The following ASAP2 variants were observed in gnomAD, a reference collection of about 807,000 sequenced individuals.
ASAP2 encodes the protein ArfGAP with SH3 domain, ankyrin repeat and PH domain 2, also known as arf-GAP with SH3 domain, ANK repeat and PH domain-containing protein 2.
In ASAP2, 45 loss-of-function variants were observed where a neutral mutation model predicts 131.4. The ratio of observed to expected loss-of-function variants is 0.34; its 90% CI spans 0.27 to 0.44. ASAP2 has a LOEUF of 0.44. Among genes scored for constraint, ASAP2 ranks in the 20% least tolerant of loss-of-function variants. ASAP2 has a pLI of 1.00. For synonymous variants in ASAP2, 510 were observed against 503.0 expected (o/e 1.01, Z -0.19); for missense variants, 1,011 against 1,297.0 (o/e 0.78, Z 3.39).
At chr2:9,273,046 A>G (rs1233528703) in intron 1 of ASAP2, among the ~76,000 whole-genome samples, 1 of 152,130 alleles carries the variant, frequency 6.6e-6, no homozygotes, top group African/African-American at 2.4e-5. Context: ...TTGTGGTTCT[A>G]TATAAATCTT....
intron 12 of ASAP2, among the ~76,000 whole-genome samples, chr2:9,352,693 A>C (rs968187294): frequency 2.0e-5 from 3 of 152,222 alleles, no homozygotes; most frequent in African/African-American, 7.2e-5. Flanking sequence ...GTGGGAATGC[A>C]GTCCTCTGTG....
intron 2 of ASAP2, among the ~76,000 whole-genome samples, chr2:9,293,706 A>G (rs887277972): frequency 9.2e-5 from 14 of 152,170 alleles, no homozygotes; most frequent in Non-Finnish European, 1.9e-4. Flanking sequence ...GCACCGTGCT[A>G]GGTGTTAGAG....
chr2:9,254,358 T>G (rs1190071195), intron 1 of ASAP2, among the ~76,000 whole-genome samples: 1 of 142,340 alleles, frequency 7.0e-6, no homozygotes, highest in Non-Finnish European at 1.5e-5. Flanking sequence ...CTAAACTTTT[T>G]TTTTTTTTTT....
chr2:9,400,649 T>A, intron 25 of ASAP2, 93 bp from the exon 26 acceptor site: 2 of 1,198,270 alleles, frequency 1.7e-6, no homozygotes, highest in Non-Finnish European at 2.5e-6. Flanking sequence ...TGGGGAAACC[T>A]GCTTTCAGAC....
intron 20 of ASAP2, among the ~76,000 whole-genome samples, chr2:9,383,047 G>C (rs902527561): frequency 6.6e-6 from 1 of 151,834 alleles, no homozygotes. Context: ...TGATTGGTTG[G>C]GAGTGAAATC....
chr2:9,334,039 CTTTTTTTTTTTTTTT>C (rs35495550), intron 7 of ASAP2, among the ~76,000 whole-genome samples: 3 of 53,250 alleles, frequency 5.6e-5, no homozygotes, highest in Non-Finnish European at 6.8e-5. Context: ...TGTCTTTCTC[CTTTTTTTTTTTTTTT>C]TTTTTTTTTT....
intron 22 of ASAP2, 63 bp from the exon 23 acceptor site, chr2:9,390,999 T>C (rs2148794032): frequency 2.5e-6 from 4 of 1,612,654 alleles, no homozygotes; most frequent in Non-Finnish European, 3.4e-6. Flanking sequence ...TGTTTCTGTT[T>C]TTGTTCGTGT....
intron 1 of ASAP2, among the ~76,000 whole-genome samples, chr2:9,262,515 G>A (rs897470858): frequency 6.6e-5 from 10 of 152,300 alleles, no homozygotes; most frequent in Middle Eastern, 3.4e-3. Flanking sequence ...GGTGGAGTCC[G>A]TTTTTGAGGT....
chr2:9,377,814 G>A (rs1483498261), intron 18 of ASAP2, among the ~76,000 whole-genome samples: 1 of 152,220 alleles, frequency 6.6e-6, no homozygotes, highest in African/African-American at 2.4e-5. Flanking sequence ...AAGTAGGGGA[G>A]TGTGGGGTGG....
At chr2:9,215,029 T>G (rs920694017) in intron 1 of ASAP2, among the ~76,000 whole-genome samples, 10 of 152,220 alleles carry the variant, frequency 6.6e-5, no homozygotes, top group Admixed American at 6.5e-4. Context: ...TTAAGATTTC[T>G]TCATTGTGCG....
At chr2:9,266,147 CTTT>C (rs3053782) in intron 1 of ASAP2, among the ~76,000 whole-genome samples, 5 of 133,864 alleles carry the variant, frequency 3.7e-5, no homozygotes, top group East Asian at 2.1e-4. Flanking sequence ...GCCTTTTTAT[CTTT>C]TTTTTTTTTT....
At chr2:9,393,360 G>A in intron 23 of ASAP2, 122 bp from the exon 24 acceptor site, 1 of 902,740 alleles carries the variant, frequency 1.1e-6, no homozygotes, top group African/African-American at 1.7e-5. Flanking sequence ...AATAGCAGCA[G>A]GTTTTTCCTT....
Position 9,279,148 on chromosome 2 carries a change from T to C in ASAP2, c.127-169T>C, listed in dbSNP as rs1572338259. 2.0e-5 allele frequency among the ~76,000 whole-genome samples: 3 copies of C among 152,134 alleles called. No homozygotes were observed. In the South Asian group the frequency reaches 6.2e-4, roughly 31 times the overall value. On this transcript the variant is annotated intron_variant, in intron 1 of 27. Transcript: ENST00000281419. Reference sequence around the variant, plus strand: ...CAGTCTTCCACACCACACTGAGGGCTTGTCTCCCAGAAACAGGTGCCGAGG... The same window carrying C: ...CAGTCTTCCACACCACACTGAGGGCCTGTCTCCCAGAAACAGGTGCCGAGG...
chr2:9,355,386 A>G (rs761457631), intron 12 of ASAP2, among the ~76,000 whole-genome samples: 1 of 152,074 alleles, frequency 6.6e-6, no homozygotes, highest in Non-Finnish European at 1.5e-5. Context: ...GTGTTTTCTC[A>G]TGAGTGGATT....
intron 1 of ASAP2, among the ~76,000 whole-genome samples, chr2:9,272,892 A>G (rs1666497997): frequency 6.6e-6 from 1 of 152,130 alleles, no homozygotes; most frequent in African/African-American, 2.4e-5. Context: ...TGGGTTCTCT[A>G]TTCCATTAGT....
At chr2:9,384,989 A>T (rs1433123028) in intron 20 of ASAP2, among the ~76,000 whole-genome samples, 1 of 152,186 alleles carries the variant, frequency 6.6e-6, no homozygotes, top group African/African-American at 2.4e-5. Flanking sequence ...GTAACAAGGG[A>T]TTTGAGAGTT....
chr2:9,342,013 G>T (rs1271311659), intron 9 of ASAP2, among the ~76,000 whole-genome samples: 1 of 152,046 alleles, frequency 6.6e-6, no homozygotes, highest in African/African-American at 2.4e-5. Flanking sequence ...TTCTTTTTTG[G>T]CAGAGTTTAA....
intron 1 of ASAP2, among the ~76,000 whole-genome samples, chr2:9,261,948 C>T (rs575823448): frequency 1.1e-4 from 16 of 152,326 alleles, no homozygotes; most frequent in African/African-American, 3.8e-4. Context: ...AGCGCCTCAC[C>T]CCACCATTTG....
chr2:9,313,683 T>C (rs573894703), intron 3 of ASAP2, among the ~76,000 whole-genome samples: 1 of 152,306 alleles, frequency 6.6e-6, no homozygotes, highest in South Asian at 2.1e-4. Context: ...CAAATTGACC[T>C]GCGCCGGTGA....
Sources: allele counts gnomAD v4.1 joint callset (sites outside exome capture counted in the v4.1 genomes callset), GRCh38; gene constraint gnomAD v4.1.1; transcripts MANE v1.5; gene names NCBI Gene and HGNC (gene_info 2026-07-23, HGNC 2026-07-21).